PPP1R2: variants seen among roughly 807,000 people sequenced by gnomAD.
PPP1R2 encodes protein phosphatase inhibitor 2.
In PPP1R2, 16 loss-of-function variants were observed where a neutral mutation model predicts 29.9. That is an observed-to-expected ratio of 0.53 (90% CI 0.36 to 0.81). The LOEUF is 0.81. Among genes scored for constraint, PPP1R2 ranks in the 30% least tolerant of loss-of-function variants. PPP1R2 has a pLI of 0.00. For synonymous variants in PPP1R2, 76 were observed against 91.5 expected, an observed-to-expected ratio of 0.83 and a Z score of 0.96; for missense variants, 197 against 252.7, an observed-to-expected ratio of 0.78 and a Z score of 1.49.
chr3:195,540,216 G>A (rs1383865943), intron 1 of PPP1R2, among the ~76,000 whole-genome samples: 9 of 152,194 alleles, frequency 5.9e-5, no homozygotes, highest in Admixed American at 1.3e-4. Context: ...CCAGTGCACC[G>A]TTCACAGCCG....
chr3:195,535,130 T>C (rs1230424467), intron 1 of PPP1R2, among the ~76,000 whole-genome samples: 1 of 152,092 alleles, frequency 6.6e-6, no homozygotes, highest in Non-Finnish European at 1.5e-5. Context: ...TGGGAAGGTT[T>C]CAGGATGAAA....
At chr3:195,525,035 T>C in intron 2 of PPP1R2, 139 bp from the exon 3 acceptor site, 1 of 686,800 alleles carries the variant, frequency 1.5e-6, no homozygotes, top group Non-Finnish European at 2.5e-6. Context: ...AGGTTTAACT[T>C]TATATAGTTC....
At chr3:195,528,325 T>C (rs1301207960) in intron 2 of PPP1R2, among the ~76,000 whole-genome samples, 1 of 152,212 alleles carries the variant, frequency 6.6e-6, no homozygotes, top group Non-Finnish European at 1.5e-5. Flanking sequence ...CCTTTTTATA[T>C]ATATTCCATG....
At chr3:195,532,353 A>T (rs1439775376) in intron 1 of PPP1R2, among the ~76,000 whole-genome samples, 1 of 151,662 alleles carries the variant, frequency 6.6e-6, no homozygotes, top group Non-Finnish European at 1.5e-5. Flanking sequence ...ACCTGGCCAT[A>T]ATCAAATTAA....
rs73890861 is a variant in PPP1R2 at position 195,540,849 on chromosome 3, C to T, written c.122+2055G>A. Among the ~76,000 whole-genome samples, 377 of 152,258 alleles carry T rather than the reference C, an allele frequency of 2.5e-3. 2 individuals carry two copies. The highest frequency in any genetic ancestry group is 8.9e-3 in the African/African-American group (370 of 41,532). ...GAACCGTAAGAAATAAATTCAGTTT[C>T]TTATAAATTATCATTTCAGACATTC... On this transcript the variant is annotated intron_variant, in intron 1 of 5. Coordinates refer to ENST00000618156, the MANE Select transcript of PPP1R2 (RefSeq NM_006241.8).
intron 1 of PPP1R2, among the ~76,000 whole-genome samples, chr3:195,537,120 A>G (rs1236647709): frequency 1.3e-5 from 2 of 152,066 alleles, no homozygotes; most frequent in Admixed American, 1.3e-4. Context: ...AAAAATATAT[A>G]TAACTATACA....
intron 5 of PPP1R2, among the ~76,000 whole-genome samples, chr3:195,517,534 G>A (rs1324447362): frequency 6.6e-6 from 1 of 152,124 alleles, no homozygotes; most frequent in African/African-American, 2.4e-5. Flanking sequence ...TTCATCTCCA[G>A]TGAAGAAAAA....
rs1718545765 is a variant in PPP1R2, at chr3:195,516,352, A to T, written c.*544T>A. 1 of 152,606 alleles carries T rather than the reference A, an allele frequency of 6.6e-6. No individual in the cohort carries two copies. The highest frequency in any genetic ancestry group is 1.5e-5 in the Non-Finnish European group (1 of 67,990). 9.5% of individuals were successfully genotyped at this position (152,606 alleles called of 1,614,324 possible). A position where few individuals can be genotyped will look rare whatever the true frequency, so the allele number is the denominator to read the frequency against. On this transcript the variant is annotated 3_prime_UTR_variant, in exon 6 of 6. Coordinates refer to ENST00000618156, the MANE Select transcript of PPP1R2 (RefSeq NM_006241.8). ...CACAAAGAAACTCAACAGGAATTTT[A>T]AAAATAGTAGGTCAGAAAATGCAAC...
intron 4 of PPP1R2, among the ~76,000 whole-genome samples, chr3:195,522,437 T>C (rs1312630250): frequency 6.6e-6 from 1 of 152,096 alleles, no homozygotes; most frequent in Non-Finnish European, 1.5e-5. Context: ...GTCAAATGGC[T>C]CCCCCTGCTG....
At chr3:195,538,596 T>C (rs1300067286) in intron 1 of PPP1R2, among the ~76,000 whole-genome samples, 1 of 152,176 alleles carries the variant, frequency 6.6e-6, no homozygotes, top group East Asian at 1.9e-4. Flanking sequence ...AAGACAAAGT[T>C]GAAGCTTGTT....
In PPP1R2 at chr3:195,534,566, C is replaced by G. The variant is rs138667266; in HGVS notation, c.123-4665G>C. Reference sequence around the variant, plus strand: ...AACTATAAAGCTGCTAACCCCGGAGCCTTGAAGGGAAAAGATAAACACCAG... The same window carrying G: ...AACTATAAAGCTGCTAACCCCGGAGGCTTGAAGGGAAAAGATAAACACCAG... On this transcript the variant is annotated intron_variant, in intron 1 of 5. Coordinates refer to ENST00000618156, the MANE Select transcript of PPP1R2 (RefSeq NM_006241.8). 9.0e-3 allele frequency among the ~76,000 whole-genome samples: 1,376 copies of G among 152,206 alleles called. 19 individuals carry two copies. Among genetic ancestry groups the G allele is most frequent in the African/African-American group, 0.031 (1,307 of 41,520 alleles).
intron 1 of PPP1R2, among the ~76,000 whole-genome samples, chr3:195,536,472 T>C (rs1316336003): frequency 6.6e-6 from 1 of 151,980 alleles, no homozygotes; most frequent in Non-Finnish European, 1.5e-5. Flanking sequence ...ATAATGTTGT[T>C]TGGGGGTGCC....
chr3:195,520,675 TTTC>T (rs1394463419), intron 4 of PPP1R2, among the ~76,000 whole-genome samples: 3 of 152,252 alleles, frequency 2.0e-5, no homozygotes, highest in Admixed American at 6.5e-5. Flanking sequence ...TTTACAGTAC[TTTC>T]TTCTTTTTTT....
intron 1 of PPP1R2, among the ~76,000 whole-genome samples, chr3:195,537,975 A>G (rs1719458268): frequency 6.6e-6 from 1 of 152,246 alleles, no homozygotes; most frequent in Admixed American, 6.5e-5. Context: ...GTGATGGCAG[A>G]ATTAACATTA....
At chr3:195,539,768 C>A (rs954935434) in intron 1 of PPP1R2, among the ~76,000 whole-genome samples, 3 of 152,068 alleles carry the variant, frequency 2.0e-5, no homozygotes, top group Non-Finnish European at 2.9e-5. Context: ...AAAAATAAAA[C>A]CCCCCTCAAT....
intron 1 of PPP1R2, among the ~76,000 whole-genome samples, chr3:195,532,411 G>A (rs1283086113): frequency 6.6e-6 from 1 of 151,916 alleles, no homozygotes; most frequent in Non-Finnish European, 1.5e-5. Flanking sequence ...GTGGGACTGT[G>A]TAATTTTTAA....
intron 1 of PPP1R2, among the ~76,000 whole-genome samples, chr3:195,540,005 G>A (rs937808027): frequency 1.3e-5 from 2 of 152,152 alleles, no homozygotes; most frequent in Non-Finnish European, 1.5e-5. Context: ...TCTCACAACT[G>A]GGGGATGGGT....
intron 1 of PPP1R2, among the ~76,000 whole-genome samples, chr3:195,533,324 AAC>A (rs1719255726): frequency 1.3e-5 from 2 of 151,552 alleles, no homozygotes; most frequent in African/African-American, 4.9e-5. Context: ...CAGCCTGGGC[AAC>A]AGAGTAAGAC....
At position 195,543,296 on chromosome 3, in the gene PPP1R2, T is replaced by C. The variant is rs939941034; in HGVS notation, c.-271A>G. 1.9e-4 allele frequency: 62 copies of C among 319,420 alleles called. No homozygotes were observed. The highest frequency in any genetic ancestry group is 1.2e-3 in the African/African-American group (56 of 46,026). 19.8% of individuals were successfully genotyped at this position (319,420 alleles called of 1,614,324 possible). ...TCGCGGAGAGACGCCGGCCTAGAGC[T>C]CCAGCGCAGGAGCGACGCGACGCCG... On this transcript the variant is annotated 5_prime_UTR_variant, in exon 1 of 6. Transcript: ENST00000618156.
Sources: allele counts gnomAD v4.1 joint callset (sites outside exome capture counted in the v4.1 genomes callset), GRCh38; gene constraint gnomAD v4.1.1; transcripts MANE v1.5; gene names NCBI Gene and HGNC (gene_info 2026-07-23, HGNC 2026-07-21).